The following APP variants were observed in gnomAD, a reference collection of about 807,000 sequenced individuals.
APP encodes the protein amyloid beta precursor protein, also known as amyloid-beta precursor protein.
A neutral mutation model predicts 101.4 loss-of-function variants in APP; 31 were observed. The ratio of observed to expected loss-of-function variants is 0.31; its 90% CI spans 0.23 to 0.41. The LOEUF is 0.41. APP is among the 10% of genes least tolerant of loss of function. The pLI, the probability that APP is intolerant of heterozygous loss-of-function variation, is 1.00. For synonymous variants in APP, 366 were observed against 364.4 expected (o/e 1.00, Z -0.05); for missense variants, 839 against 1,003.7 (o/e 0.84, Z 2.22).
At chr21:25,885,687 C>T (rs987658629) in intron 17 of APP, among the ~76,000 whole-genome samples, 5 of 152,176 alleles carry the variant, frequency 3.3e-5, no homozygotes, top group African/African-American at 9.7e-5. Context: ...GCCTATGACA[C>T]ACGCTGAAAA....
intron 1 of APP, among the ~76,000 whole-genome samples, chr21:26,154,396 T>C (rs981631911): frequency 1.3e-5 from 2 of 152,178 alleles, no homozygotes; most frequent in African/African-American, 4.8e-5. Flanking sequence ...GGTCCCCCCA[T>C]TCCTATTCCA....
intron 3 of APP, among the ~76,000 whole-genome samples, chr21:26,084,084 G>C (rs2061651785): frequency 6.6e-6 from 1 of 151,992 alleles, no homozygotes; most frequent in Non-Finnish European, 1.5e-5. Flanking sequence ...AAAAAAGTCA[G>C]TCTCCTCAAC....
chr21:25,896,454 TGC>T (rs968541412), intron 16 of APP, among the ~76,000 whole-genome samples: 1 of 151,944 alleles, frequency 6.6e-6, no homozygotes, highest in African/African-American at 2.4e-5. Flanking sequence ...ACAAAAGAAG[TGC>T]CTGAGATAAC....
At chr21:26,099,832 C>T (rs2146153587) in intron 2 of APP, among the ~76,000 whole-genome samples, 1 of 152,320 alleles carries the variant, frequency 6.6e-6, no homozygotes, top group African/African-American at 2.4e-5. Context: ...GAGGTATCAG[C>T]ATGCTATGTT....
chr21:25,977,234 A>C (rs1005018130), intron 9 of APP, among the ~76,000 whole-genome samples: 2 of 152,230 alleles, frequency 1.3e-5, no homozygotes, highest in South Asian at 2.1e-4. Flanking sequence ...TTGTTCAAAG[A>C]AAATATTAAC....
At position 26,021,879 on chromosome 21, in the gene APP, T is replaced by C. The variant is rs202198008; in HGVS notation, c.826A>G (p.Thr276Ala). Residue 276 changes from threonine to alanine, a missense_variant, in exon 6 of 18, where the codon ACC (threonine) becomes GCC (alanine). By Grantham distance (58) the Thr-to-Ala change is moderately conservative. Coordinates refer to ENST00000346798, the MANE Select transcript of APP (RefSeq NM_000484.4). ...TERTTSIATT[T>A]TTTTESVEEV... is the part of the protein sequence containing the mutation. ...TCCACAGACTCTGTGGTGGTGGTGG[T>C]GGTGGTGGCAATGCTGGTGGTTCTC... The C allele has an allele frequency of 3.1e-6, 5 of 1,613,758 alleles. No homozygotes were observed. The highest frequency in any genetic ancestry group is 2.2e-5 in the South Asian group (2 of 91,042).
intron 2 of APP, among the ~76,000 whole-genome samples, chr21:26,101,430 G>C (rs2062056300): frequency 6.6e-6 from 1 of 152,154 alleles, no homozygotes; most frequent in African/African-American, 2.4e-5. Flanking sequence ...AGAATAGTAT[G>C]GGGACTCATC....
chr21:26,088,386 G>A (rs947646691), intron 3 of APP, among the ~76,000 whole-genome samples: 1 of 152,138 alleles, frequency 6.6e-6, no homozygotes, highest in African/African-American at 2.4e-5. Flanking sequence ...CTGCAGTTTT[G>A]AGTGTCATAC....
chr21:26,026,735 G>T (rs1439006398), intron 5 of APP, among the ~76,000 whole-genome samples: 2 of 152,208 alleles, frequency 1.3e-5, no homozygotes, highest in African/African-American at 4.8e-5. Context: ...GGATTTGGGG[G>T]ATAGTAAAAG....
intron 1 of APP, among the ~76,000 whole-genome samples, chr21:26,128,781 A>G (rs2062733539): frequency 6.6e-6 from 1 of 152,212 alleles, no homozygotes; most frequent in South Asian, 2.1e-4. Context: ...GGTTTCCCAA[A>G]ATGTATTTGA....
intron 6 of APP, among the ~76,000 whole-genome samples, chr21:26,019,328 A>G (rs1392031724): frequency 6.6e-6 from 1 of 152,174 alleles, no homozygotes; most frequent in Non-Finnish European, 1.5e-5. Context: ...ATGCCTTTCC[A>G]TGGCACCACA....
intron 13 of APP, among the ~76,000 whole-genome samples, chr21:25,954,011 A>AGTGGTTT (rs2041204265): frequency 1.3e-5 from 2 of 152,224 alleles, no homozygotes; most frequent in Non-Finnish European, 2.9e-5. Context: ...TTTAAGTTTA[A>AGTGGTTT]ACAATGATGT....
intron 1 of APP, among the ~76,000 whole-genome samples, chr21:26,145,807 T>C (rs2063143202): frequency 6.6e-6 from 1 of 152,218 alleles, no homozygotes; most frequent in South Asian, 2.1e-4. Context: ...TGATTATGCC[T>C]GCATTCTGAA....
intron 1 of APP, among the ~76,000 whole-genome samples, chr21:26,141,602 T>C (rs1183545843): frequency 6.6e-6 from 1 of 152,194 alleles, no homozygotes; most frequent in African/African-American, 2.4e-5. Flanking sequence ...TCTGAAAACA[T>C]CTGGCAAATA....
intron 14 of APP, among the ~76,000 whole-genome samples, chr21:25,908,117 T>C (rs537702250): frequency 1.3e-5 from 2 of 152,204 alleles, no homozygotes; most frequent in East Asian, 1.9e-4. Flanking sequence ...CAGGAAAAAG[T>C]AGAACAAACA....
At chr21:26,008,383 G>A (rs1017961441) in intron 6 of APP, among the ~76,000 whole-genome samples, 1 of 152,186 alleles carries the variant, frequency 6.6e-6, no homozygotes, top group African/African-American at 2.4e-5. Flanking sequence ...GAGCTGCGTG[G>A]TTAGCGTGCA....
chr21:25,881,802 A>G (rs1452602770), intron 17 of APP, 31 bp from the exon 18 acceptor site: 4 of 1,595,044 alleles, frequency 2.5e-6, no homozygotes, highest in Admixed American at 1.7e-5. Context: ...TGAGTAAAAA[A>G]TAAAAATCAA....
chr21:26,118,336 T>C (rs1445242194), intron 1 of APP, among the ~76,000 whole-genome samples: 1 of 152,206 alleles, frequency 6.6e-6, no homozygotes, highest in African/African-American at 2.4e-5. Context: ...GCCTTATGCA[T>C]GGCAAACAAA....
At chr21:26,078,247 A>T (rs2061534182) in intron 3 of APP, among the ~76,000 whole-genome samples, 1 of 152,182 alleles carries the variant, frequency 6.6e-6, no homozygotes, top group African/African-American at 2.4e-5. Context: ...GTAAATAAAC[A>T]GTTCTGCTTT....
Sources: allele counts gnomAD v4.1 joint callset (sites outside exome capture counted in the v4.1 genomes callset), GRCh38; gene constraint gnomAD v4.1.1; transcripts MANE v1.5; gene names NCBI Gene and HGNC (gene_info 2026-07-23, HGNC 2026-07-21).